Variants in FRMD4A observed in about 807,000 individuals in gnomAD.
FRMD4A encodes FERM domain-containing protein 4A.
Under a neutral mutation model 129.1 loss-of-function variants are expected in FRMD4A, and 29 were observed. The ratio of observed to expected loss-of-function variants is 0.22; its 90% CI spans 0.17 to 0.31. The LOEUF (loss-of-function observed/expected upper bound fraction) is 0.31, where lower values mean the gene tolerates loss of function less well. FRMD4A is among the 10% of genes least tolerant of loss of function. The probability of loss-of-function intolerance (pLI) is 1.00; values close to 1 mark genes in which losing one functional copy is unlikely to be tolerated. For synonymous variants in FRMD4A, 634 were observed against 571.6 expected (o/e 1.11, Z -1.56); for missense variants, 1,272 against 1,375.8 (o/e 0.92, Z 1.19).
At chr10:13,762,287 C>G (rs1188387816) in intron 7 of FRMD4A, among the ~76,000 whole-genome samples, 1 of 152,172 alleles carries the variant, frequency 6.6e-6, no homozygotes, top group Non-Finnish European at 1.5e-5. Flanking sequence ...TTTTTGGCCA[C>G]TAACTCTAGC....
chr10:14,258,771 T>G (rs1033161509), intron 2 of FRMD4A, among the ~76,000 whole-genome samples: 1 of 152,172 alleles, frequency 6.6e-6, no homozygotes, highest in African/African-American at 2.4e-5. Flanking sequence ...CAACTCAAAT[T>G]TCCACCAATG....
intron 2 of FRMD4A, among the ~76,000 whole-genome samples, chr10:14,274,288 C>G (rs1845264564): frequency 6.6e-6 from 1 of 152,200 alleles, no homozygotes; most frequent in African/African-American, 2.4e-5. Flanking sequence ...TATCTCTTAG[C>G]AGATTACGAT....
At chr10:13,793,439 A>G (rs2130816048) in intron 5 of FRMD4A, among the ~76,000 whole-genome samples, 1 of 152,264 alleles carries the variant, frequency 6.6e-6, no homozygotes, top group African/African-American at 2.4e-5. Context: ...CCGAAAGTAC[A>G]GGCATGAACC....
chr10:14,271,327 T>C (rs1845156400), intron 2 of FRMD4A, among the ~76,000 whole-genome samples: 1 of 152,182 alleles, frequency 6.6e-6, no homozygotes, highest in African/African-American at 2.4e-5. Context: ...CAGGTCCGGG[T>C]TGCAGGTGGC....
intron 18 of FRMD4A, among the ~76,000 whole-genome samples, chr10:13,664,573 T>C (rs1312343361): frequency 2.0e-5 from 3 of 152,240 alleles, no homozygotes; most frequent in Non-Finnish European, 2.9e-5. Context: ...CTTCGGCATC[T>C]TGGAATCTTC....
chr10:14,218,064 A>G (rs891152722), intron 2 of FRMD4A, among the ~76,000 whole-genome samples: 4 of 152,092 alleles, frequency 2.6e-5, no homozygotes, highest in Admixed American at 6.6e-5. Flanking sequence ...TCCTGACTTC[A>G]ACTGATCCAC....
chr10:13,896,317 C>T (rs1024416070), intron 2 of FRMD4A, among the ~76,000 whole-genome samples: 1 of 152,194 alleles, frequency 6.6e-6, no homozygotes, highest in Admixed American at 6.5e-5. Context: ...GGCACATATA[C>T]ACCATGGAAT....
chr10:13,651,545 T>G (rs1044132329), intron 24 of FRMD4A: 6 of 206,082 alleles, frequency 2.9e-5, no homozygotes, highest in Non-Finnish European at 5.9e-5. Context: ...ATACAAAAAT[T>G]AGCCACGCAT....
intron 12 of FRMD4A, among the ~76,000 whole-genome samples, chr10:13,720,210 A>G (rs1183059758): frequency 6.6e-6 from 1 of 152,130 alleles, no homozygotes; most frequent in Non-Finnish European, 1.5e-5. Context: ...CAGCACGCCC[A>G]GCTAATTTTT....
At chr10:14,148,900 G>A (rs925155300) in intron 2 of FRMD4A, among the ~76,000 whole-genome samples, 1 of 152,170 alleles carries the variant, frequency 6.6e-6, no homozygotes, top group African/African-American at 2.4e-5. Context: ...AGGATATTAG[G>A]GGTTTACGCT....
At chr10:14,138,386 G>A (rs1288906012) in intron 2 of FRMD4A, among the ~76,000 whole-genome samples, 11 of 152,296 alleles carry the variant, frequency 7.2e-5, no homozygotes, top group South Asian at 2.1e-4. Context: ...GTAAAGGTTT[G>A]ATGGCAATGA....
At chr10:13,761,874 GA>G (rs1349411581) in intron 7 of FRMD4A, among the ~76,000 whole-genome samples, 2 of 152,174 alleles carry the variant, frequency 1.3e-5, no homozygotes, top group East Asian at 3.8e-4. Flanking sequence ...CTAAACTCTA[GA>G]AACTTATATA....
In FRMD4A at chr10:13,645,347, A is replaced by G. The variant is rs528733552; in HGVS notation, c.*1691T>C. ...CCAATAGGAAGTCATTAGAGTGAGA[A>G]AAAAATTCCACCCCCACCCCATCCC... On this transcript the variant is annotated 3_prime_UTR_variant, in exon 25 of 25. Coordinates refer to ENST00000357447, the MANE Select transcript of FRMD4A (RefSeq NM_018027.5). 1.2e-5 allele frequency: 1 copy of G among 80,532 alleles called. No individual in the cohort carries two copies. Among genetic ancestry groups the G allele is most frequent in the African/African-American group, 5.3e-5 (1 of 18,872 alleles). 5.0% of individuals were successfully genotyped at this position (80,532 alleles called of 1,614,324 possible).
intron 2 of FRMD4A, among the ~76,000 whole-genome samples, chr10:13,942,753 T>C (rs1309423118): frequency 6.6e-6 from 1 of 151,944 alleles, no homozygotes; most frequent in East Asian, 1.9e-4. Context: ...GCCAACATGG[T>C]GAAACCCTGC....
intron 3 of FRMD4A, among the ~76,000 whole-genome samples, chr10:13,814,259 T>C (rs936050078): frequency 1.3e-5 from 2 of 152,108 alleles, no homozygotes; most frequent in African/African-American, 4.8e-5. Flanking sequence ...TGGTCCAAAC[T>C]TGAAAACAAT....
At position 14,258,357 on chromosome 10, in the gene FRMD4A, G is replaced by A. The variant is rs552098160; in HGVS notation, c.45+71701C>T. Among the ~76,000 whole-genome samples the A allele has an allele frequency of 8.7e-5, 13 of 148,866 alleles. No individual in the cohort carries two copies. The South Asian group carries it at 1.7e-3, about 19-fold the overall frequency. On this transcript the variant is annotated intron_variant, in intron 2 of 24. Coordinates refer to ENST00000357447, the MANE Select transcript of FRMD4A (RefSeq NM_018027.5). Reference sequence around the variant, plus strand: ...AAGAACTCTCAAAATTATATAATAAGACAAACAACCCAAACAAAAAAATGA... The same window carrying A: ...AAGAACTCTCAAAATTATATAATAAAACAAACAACCCAAACAAAAAAATGA...
At chr10:13,704,169 T>C (rs2087161874) in intron 13 of FRMD4A, among the ~76,000 whole-genome samples, 1 of 152,146 alleles carries the variant, frequency 6.6e-6, no homozygotes, top group African/African-American at 2.4e-5. Context: ...ACCACTAGGA[T>C]GTGAAAAAGA....
intron 2 of FRMD4A, among the ~76,000 whole-genome samples, chr10:14,143,704 T>G (rs1285010099): frequency 6.6e-6 from 1 of 152,160 alleles, no homozygotes. Flanking sequence ...AACCTCCACC[T>G]CGCTGGTTCA....
intron 2 of FRMD4A, among the ~76,000 whole-genome samples, chr10:13,919,764 C>G (rs2131253964): frequency 6.6e-6 from 1 of 152,088 alleles, no homozygotes; most frequent in African/African-American, 2.4e-5. Flanking sequence ...ATGGTGAAAC[C>G]CTGTCCTTAC....
Sources: allele counts gnomAD v4.1 joint callset (sites outside exome capture counted in the v4.1 genomes callset), GRCh38; gene constraint gnomAD v4.1.1; transcripts MANE v1.5; gene names NCBI Gene and HGNC (gene_info 2026-07-23, HGNC 2026-07-21).